The following UIMC1 variants were observed in gnomAD, a reference collection of about 807,000 sequenced individuals.
UIMC1 encodes BRCA1-A complex subunit RAP80.
A neutral mutation model predicts 84.9 loss-of-function variants in UIMC1; 42 were observed. The observed-to-expected ratio is 0.49, with a 90% CI of 0.39 to 0.64. The LOEUF is 0.64. UIMC1 is among the 30% of genes least tolerant of loss of function. The pLI is 0.00. For synonymous variants in UIMC1, 281 were observed against 293.0 expected, an observed-to-expected ratio of 0.96 and a Z score of 0.42; for missense variants, 825 against 847.6, an observed-to-expected ratio of 0.97 and a Z score of 0.33.
intron 1 of UIMC1, among the ~76,000 whole-genome samples, chr5:176,982,867 T>C (rs1252226213): frequency 2.0e-5 from 3 of 152,102 alleles, no homozygotes; most frequent in African/African-American, 7.2e-5. Flanking sequence ...ACTGGCTAAT[T>C]TTTGCATTTT....
At chr5:176,923,856 T>C (rs1762022228) in intron 10 of UIMC1, among the ~76,000 whole-genome samples, 1 of 119,584 alleles carries the variant, frequency 8.4e-6, no homozygotes, top group Non-Finnish European at 1.8e-5. Context: ...AGAGCAAGAC[T>C]CTGTCTCAAA....
chr5:176,988,912 G>A (rs546353172), intron 1 of UIMC1, among the ~76,000 whole-genome samples: 4 of 152,062 alleles, frequency 2.6e-5, no homozygotes, highest in East Asian at 1.9e-4. Context: ...TCGATCTCTC[G>A]ACCTCATGAT....
At chr5:176,990,670 A>G (rs1279043253) in intron 1 of UIMC1, among the ~76,000 whole-genome samples, 1 of 152,120 alleles carries the variant, frequency 6.6e-6, no homozygotes, top group Non-Finnish European at 1.5e-5. Flanking sequence ...AATAGATTTT[A>G]TATTTATGTT....
At chr5:177,003,741 T>G (rs1039305901) in intron 1 of UIMC1, among the ~76,000 whole-genome samples, 5 of 152,080 alleles carry the variant, frequency 3.3e-5, no homozygotes, top group Non-Finnish European at 5.9e-5. Context: ...GCAGCAGAGA[T>G]GAGTATGGGG....
chr5:176,969,827 A>T, intron 4 of UIMC1, 121 bp from the exon 5 acceptor site: 1 of 780,480 alleles, frequency 1.3e-6, no homozygotes, highest in Non-Finnish European at 2.1e-6. Flanking sequence ...TAAAATGTAA[A>T]TGGCTCAATT....
chr5:176,979,738 G>A (rs1455673653), intron 2 of UIMC1, among the ~76,000 whole-genome samples: 1 of 152,180 alleles, frequency 6.6e-6, no homozygotes, highest in Admixed American at 6.5e-5. Flanking sequence ...GCACATTCCT[G>A]TATGCATAAC....
At chr5:176,930,350 T>C (rs1191094839) in intron 10 of UIMC1, among the ~76,000 whole-genome samples, 1 of 152,236 alleles carries the variant, frequency 6.6e-6, no homozygotes, top group Non-Finnish European at 1.5e-5. Context: ...CAAAAAAATC[T>C]GAACATTCAT....
intron 12 of UIMC1, among the ~76,000 whole-genome samples, chr5:176,908,171 G>A (rs1172154138): frequency 6.6e-6 from 1 of 151,864 alleles, no homozygotes; most frequent in African/African-American, 2.4e-5. Context: ...TATTGAGAGA[G>A]AGAAGGGGGG....
At chr5:176,972,788 GAACA>G in intron 3 of UIMC1, among the ~76,000 whole-genome samples, 1 of 151,700 alleles carries the variant, frequency 6.6e-6, no homozygotes, top group Admixed American at 6.6e-5. Context: ...AACTGCTCAA[GAACA>G]AAAACACAAC....
In UIMC1 at chr5:176,905,235, C is replaced by A. The variant is rs878884893; in HGVS notation, c.*47G>T. 2 of 1,594,630 alleles carry A rather than the reference C, an allele frequency of 1.3e-6. No individual in the cohort carries two copies. Among genetic ancestry groups the A allele is most frequent in the East Asian group, 2.2e-5 (1 of 44,686 alleles). ...GACCACTATGGCTTAATGAACATGG[C>A]CCACCCCTCCTACTAATGGTTTTGT... On this transcript the variant is annotated 3_prime_UTR_variant, in exon 15 of 15. Coordinates refer to ENST00000511320, the MANE Select transcript of UIMC1 (RefSeq NM_001199298.2).
At chr5:176,908,033 G>A (rs1759622538) in intron 12 of UIMC1, among the ~76,000 whole-genome samples, 1 of 152,148 alleles carries the variant, frequency 6.6e-6, no homozygotes, top group South Asian at 2.1e-4. Flanking sequence ...AACCCAAAAT[G>A]ATGTTTACAC....
intron 1 of UIMC1, among the ~76,000 whole-genome samples, chr5:176,990,571 CAAG>C (rs1167287494): frequency 1.3e-5 from 2 of 152,052 alleles, no homozygotes; most frequent in African/African-American, 4.8e-5. Context: ...TATTAATTCG[CAAG>C]AAGTGAATTT....
intron 8 of UIMC1, 29 bp downstream of exon 8, chr5:176,955,930 A>G: frequency 6.2e-7 from 1 of 1,606,394 alleles, no homozygotes; most frequent in Non-Finnish European, 8.5e-7. Context: ...GGTATCAGAA[A>G]TTCAGTAAAA....
chr5:176,908,643 C>G lies in UIMC1; in HGVS notation c.1728G>C (p.Gln576His). The G allele has an allele frequency of 6.2e-7, 1 of 1,614,210 alleles. No homozygotes were observed. Among genetic ancestry groups the G allele is most frequent in the South Asian group, 1.1e-5 (1 of 91,086 alleles). ...CKSLVPFREY[Q>H]CHVDSCLQLA... ...GCTGGAGACAGGAGTCCACATGACACTGATACTCTCTAAATGGGACCAGGG... is the reference window on the plus strand; with the variant it reads ...GCTGGAGACAGGAGTCCACATGACAGTGATACTCTCTAAATGGGACCAGGG... The change falls in exon 12 of 15, where the codon CAG becomes CAC. Residue 576 changes from glutamine to histidine, a missense_variant. By Grantham distance (24) the Gln-to-His change is conservative (BLOSUM62 0). Coordinates refer to ENST00000511320, the MANE Select transcript of UIMC1 (RefSeq NM_001199298.2).
intron 1 of UIMC1, among the ~76,000 whole-genome samples, chr5:176,992,711 T>C (rs1404899213): frequency 6.6e-6 from 1 of 151,438 alleles, no homozygotes; most frequent in Non-Finnish European, 1.5e-5. Context: ...AAGGCTGAAG[T>C]GGAAGAATCA....
chr5:176,982,891 G>A (rs1771265382), intron 1 of UIMC1, among the ~76,000 whole-genome samples: 1 of 152,288 alleles, frequency 6.6e-6, no homozygotes, highest in East Asian at 1.9e-4. Context: ...TACAGACAGA[G>A]TTTCACCATG....
At chr5:176,909,569 A>G (rs1025789998) in intron 11 of UIMC1, among the ~76,000 whole-genome samples, 14 of 152,206 alleles carry the variant, frequency 9.2e-5, no homozygotes, top group Admixed American at 2.0e-4. Context: ...TTTCCAAAGC[A>G]TGCTATCTTG....
Position 176,943,450 on chromosome 5 carries a change from A to C in UIMC1, c.1482T>G (p.Ile494Met). The change falls in exon 10 of 15, where the codon ATT becomes ATG. Residue 494 changes from isoleucine (I) to methionine (M), a missense_variant. Coordinates refer to ENST00000511320, the MANE Select transcript of UIMC1 (RefSeq NM_001199298.2). ...NKEDAEKEVA[I>M]STFSSSNQVS... ...CCTGGTTACTGGATGAGAAGGTAGA[A>C]ATAGCTACTTCCTTCTCAGCATCTT... The C allele has an allele frequency of 3.1e-6, 5 of 1,614,146 alleles. No homozygotes were observed. The highest frequency in any genetic ancestry group is 4.2e-6 in the Non-Finnish European group (5 of 1,180,012).
At chr5:176,953,530 A>ACC (rs1766191138) in intron 8 of UIMC1, among the ~76,000 whole-genome samples, 2 of 151,200 alleles carry the variant, frequency 1.3e-5, no homozygotes, top group South Asian at 2.1e-4. Context: ...ACACACACAC[A>ACC]CCTTATTGGA....
Sources: gnomAD v4.1 joint callset for allele counts (sites outside exome capture counted in the v4.1 genomes callset) on GRCh38, gnomAD v4.1.1 for gene constraint, MANE v1.5 for transcripts, NCBI Gene and HGNC (gene_info 2026-07-23, HGNC 2026-07-21) for gene names.